The following SNED1 variants were observed in gnomAD, a reference collection of about 807,000 sequenced individuals.
SNED1 encodes sushi, nidogen and EGF-like domain-containing protein 1.
Under a neutral mutation model 166.7 loss-of-function variants are expected in SNED1, and 81 were observed. The observed-to-expected ratio is 0.49, with a 90% confidence interval of 0.41 to 0.58. The LOEUF (loss-of-function observed/expected upper bound fraction) is 0.58, where lower values mean the gene tolerates loss of function less well. Among genes scored for constraint, SNED1 ranks in the 20% least tolerant of loss-of-function variants. The probability of loss-of-function intolerance (pLI) is 0.00; values close to 1 mark genes in which losing one functional copy is unlikely to be tolerated. For missense variants in SNED1, 1,604 were observed against 2,000.2 expected (o/e 0.80, Z 3.78); for synonymous variants, 762 against 822.0 (o/e 0.93, Z 1.25).
At chr2:241,015,767 C>CG (rs2060563902) in intron 1 of SNED1, 1 of 158,956 alleles carries the variant, frequency 6.3e-6, no homozygotes, top group African/African-American at 2.5e-5. Flanking sequence ...CTGTGCTGGC[C>CG]AAGGCCTCCC....
rs1302124851 is a variant in SNED1, at chr2:241,013,507, AT to A, written c.213+14462del. Among the ~76,000 whole-genome samples, 1 of 150,682 alleles carries A rather than the reference AT, an allele frequency of 6.6e-6. No homozygotes were observed. The highest frequency in any genetic ancestry group is 1.5e-5 in the Non-Finnish European group (1 of 67,666). ...CCACCACCTCCAGCTATATTTTTTT[AT>A]TTTTCTTTTTTTGTAGAGACAGGGT... is the stretch of plus-strand genomic sequence containing the variant. On this transcript the variant is annotated intron_variant, in intron 1 of 31. Transcript: ENST00000310397. The surrounding 1 kb of genome is among the most constrained non-coding windows in gnomAD (Gnocchi z 4.6).
At chr2:241,016,187 G>T (rs1457279608) in intron 1 of SNED1, among the ~76,000 whole-genome samples, 2 of 125,426 alleles carry the variant, frequency 1.6e-5, no homozygotes, top group Non-Finnish European at 1.6e-5. Context: ...TGTCATGGTG[G>T]ATTTTTTTTT....
At chr2:241,080,728 G>A (rs541330098) in intron 27 of SNED1, among the ~76,000 whole-genome samples, 4 of 152,374 alleles carry the variant, frequency 2.6e-5, no homozygotes, top group East Asian at 1.9e-4. Context: ...TGTGTTCATC[G>A]TGATGCTCAG....
chr2:241,048,926 G>A (rs1285452990), intron 10 of SNED1, 96 bp from the exon 11 acceptor site: 4 of 1,264,760 alleles, frequency 3.2e-6, no homozygotes, highest in Admixed American at 2.0e-5. Context: ...ACCTGTTGGG[G>A]CCACTGGGTC....
chr2:241,038,960 C>T (rs2061448059), intron 6 of SNED1, among the ~76,000 whole-genome samples: 1 of 152,186 alleles, frequency 6.6e-6, no homozygotes, highest in African/African-American at 2.4e-5. Context: ...GGTGAGGTCC[C>T]CTAAGAGGGC....
intron 16 of SNED1, among the ~76,000 whole-genome samples, chr2:241,054,694 A>G (rs2061990866): frequency 6.6e-6 from 1 of 152,286 alleles, no homozygotes; most frequent in Non-Finnish European, 1.5e-5. Context: ...AAGCAGATTA[A>G]AAACTATAAT....
intron 14 of SNED1, 69 bp downstream of exon 14, chr2:241,052,226 C>A: frequency 6.7e-7 from 1 of 1,499,832 alleles, no homozygotes; most frequent in Non-Finnish European, 9.3e-7. Flanking sequence ...GAAAACAGGC[C>A]CATGGGCAGG....
At chr2:241,027,684 A>G (rs1201292121) in intron 1 of SNED1, among the ~76,000 whole-genome samples, 1 of 151,474 alleles carries the variant, frequency 6.6e-6, no homozygotes, top group Non-Finnish European at 1.5e-5. Context: ...AACAGTGCAC[A>G]AGGGTTCCAA....
Position 241,040,753 on chromosome 2 carries a change from G to A in SNED1, c.1273+340G>A, listed in dbSNP as rs115679621. On this transcript the variant is annotated intron_variant, in intron 8 of 31. Transcript: ENST00000310397. ...TCACAAGTCTCCTCTTCCAGCCTGG[G>A]TGACTCTTGACTTTTTTAACATCTT... 3.6e-3 allele frequency: 1,693 copies of A among 475,190 alleles called. 5 individuals carry two copies. Among genetic ancestry groups the A allele is most frequent in the Admixed American group, 7.2e-3 (280 of 38,726 alleles). The allele number at this position is 475,190 out of a possible 1,614,324, so 29.4% of individuals were successfully genotyped here.
At chr2:240,998,138 A>C (rs1184217579), upstream of SNED1, among the ~76,000 whole-genome samples, 1 of 152,256 alleles carries the variant, frequency 6.6e-6, no homozygotes. Context: ...CATGCCTCCT[A>C]GTCTCCGGCC....
chr2:241,063,342 A>G (rs1310143003), intron 17 of SNED1: 11 of 547,304 alleles, frequency 2.0e-5, no homozygotes, highest in African/African-American at 1.1e-4. Context: ...GGAGCCTCCC[A>G]TTGCGGAGTG....
intron 8 of SNED1, chr2:241,040,823 G>A (rs2061503109): frequency 2.1e-6 from 1 of 473,338 alleles, no homozygotes; most frequent in Non-Finnish European, 4.4e-6. Flanking sequence ...AAAGTAACGG[G>A]AATCAGAAAG....
chr2:241,048,201 C>A, intron 8 of SNED1, 114 bp from the exon 9 acceptor site: 1 of 1,267,746 alleles, frequency 7.9e-7, no homozygotes, highest in Non-Finnish European at 1.1e-6. Flanking sequence ...GCTTAAATTC[C>A]ACTTGGGAAT....
chr2:241,037,556 C>G (rs1248889962), intron 6 of SNED1, among the ~76,000 whole-genome samples: 1 of 152,196 alleles, frequency 6.6e-6, no homozygotes, highest in Non-Finnish European at 1.5e-5. Flanking sequence ...GGAGCCATGA[C>G]CAGTCACACA....
At chr2:241,010,100 G>A (rs2060344955) in intron 1 of SNED1, 1 of 152,244 alleles carries the variant, frequency 6.6e-6, no homozygotes, top group South Asian at 2.1e-4. Flanking sequence ...TTTCACTCTT[G>A]GCAGAGGAGT....
chr2:241,083,431 ATGT>A (rs2063427299), intron 29 of SNED1, among the ~76,000 whole-genome samples: 1 of 152,146 alleles, frequency 6.6e-6, no homozygotes, highest in South Asian at 2.1e-4. Context: ...GAAGAGTGAC[ATGT>A]TCGATTACAC....
In SNED1 at chr2:241,052,355, C is replaced by G; in HGVS notation, c.1970C>G (p.Ala657Gly). ...CCAGGACCTTCCTGCATTCTGGCAG[C>G]CCCCTCCCCCTGCTTCCGGAGCCCG... ...PGFSGRHCEI[A>G]PSPCFRSPCV... The change falls in exon 15 of 32, where the codon GCC becomes GGC. Residue 657 changes from alanine (A) to glycine (G), a missense_variant and splice_region_variant. Transcript: ENST00000310397. The G allele has an allele frequency of 1.3e-6, 2 of 1,570,142 alleles. No homozygotes were observed. Among genetic ancestry groups the G allele is most frequent in the South Asian group, 2.4e-5 (2 of 82,612 alleles).
chr2:241,029,315 C>G (rs1017756621), intron 1 of SNED1, among the ~76,000 whole-genome samples: 1 of 152,248 alleles, frequency 6.6e-6, no homozygotes, highest in Admixed American at 6.5e-5. Context: ...AGTCCAAGAT[C>G]AAGGCACTGT....
At chr2:241,053,572 G>A (rs1293267205) in intron 16 of SNED1, among the ~76,000 whole-genome samples, 1 of 152,372 alleles carries the variant, frequency 6.6e-6, no homozygotes, top group African/African-American at 2.4e-5. Flanking sequence ...GCCCGGAGCA[G>A]GAGGTCAAAC....
Sources: gnomAD v4.1 joint callset for allele counts (sites outside exome capture counted in the v4.1 genomes callset) on GRCh38, gnomAD v4.1.1 for gene constraint, Gnocchi (gnomAD v3.1) non-coding constraint, MANE v1.5 for transcripts, NCBI Gene and HGNC (gene_info 2026-07-23, HGNC 2026-07-21) for gene names.